DNAH17: variants seen among roughly 807,000 people sequenced by gnomAD.
The protein encoded by DNAH17 is dynein axonemal heavy chain 17, also known as axonemal beta dynein heavy chain 17.
A neutral mutation model predicts 485.6 loss-of-function variants in DNAH17; 376 were observed. The ratio of observed to expected loss-of-function variants is 0.77; its 90% CI spans 0.71 to 0.84. DNAH17 has a LOEUF of 0.84. Ranked by LOEUF, DNAH17 falls within the 40% of genes least tolerant of loss-of-function variation. The pLI, the probability that DNAH17 is intolerant of heterozygous loss-of-function variation, is 0.00. For missense variants in DNAH17, 6,370 were observed against 5,839.3 expected (o/e 1.09, Z -2.96); for synonymous variants, 3,031 against 2,405.9 (o/e 1.26, Z -7.60).
intron 58 of DNAH17, 96 bp from the exon 59 acceptor site, chr17:78,460,353 T>TGCATGTGTGA: frequency 9.9e-7 from 1 of 1,008,490 alleles, no homozygotes. Context: ...TGCATGTGTG[T>TGCATGTGTGA]GCATGTATGC....
intron 16 of DNAH17, among the ~76,000 whole-genome samples, chr17:78,548,202 C>CTTTTTTTTTTTTTTTTTTTTTT (rs34701814): frequency 2.5e-5 from 2 of 80,102 alleles, no homozygotes; most frequent in African/African-American, 1.1e-4. Context: ...ATGTCATGGC[C>CTTTTTTTTTTTTTTTTTTTTTT]TTTTTTTTTT....
intron 38 of DNAH17, 127 bp downstream of exon 38, chr17:78,495,747 GC>G: frequency 8.6e-7 from 1 of 1,162,026 alleles, no homozygotes; most frequent in Non-Finnish European, 1.2e-6. Context: ...CATCTTGGGA[GC>G]TTTTGATGAC....
Position 78,425,515 on chromosome 17 carries a change from G to T in DNAH17, c.12972C>A (p.Gly4324=), listed in dbSNP as rs755739045. The change falls in exon 80 of 81, where the codon GGC becomes GGA. Residue 4324 remains glycine, a synonymous_variant. Coordinates refer to ENST00000389840, the MANE Select transcript of DNAH17 (RefSeq NM_173628.4). ...TGAGGAACGACTGGGGGTTGAAGAA[G>T]CCGGCCAGCCACACGGTGGTGGGCA... The part of the protein sequence containing the change: ...FALPTTVWLA[G]FFNPQSFLTA... 6 of 1,613,852 alleles carry T rather than the reference G, an allele frequency of 3.7e-6. No homozygotes were observed. In the Admixed American group the frequency reaches 1.0e-4, roughly 27 times the overall value.
chr17:78,484,739 A>ACCCCCCCGCCGC, intron 48 of DNAH17, 129 bp downstream of exon 48: 1 of 347,798 alleles, frequency 2.9e-6, no homozygotes, highest in South Asian at 4.2e-5. Context: ...ACGTTGCAGC[A>ACCCCCCCGCCGC]CCCCCCCCAC....
At chr17:78,530,639 C>T in intron 20 of DNAH17, 127 bp from the exon 21 acceptor site, 1 of 1,163,768 alleles carries the variant, frequency 8.6e-7, no homozygotes, top group East Asian at 2.4e-5. Context: ...ACTCTGGGGC[C>T]AGGGTCAGCA....
intron 11 of DNAH17, among the ~76,000 whole-genome samples, chr17:78,565,035 G>A (rs145239508): frequency 5.6e-4 from 85 of 152,296 alleles, no homozygotes; most frequent in African/African-American, 2.0e-3. Flanking sequence ...ACCCTAACCT[G>A]CTTCCAGCTA....
chr17:78,521,817 T>A (rs1053911887), intron 25 of DNAH17, among the ~76,000 whole-genome samples: 1 of 152,028 alleles, frequency 6.6e-6, no homozygotes, highest in Non-Finnish European at 1.5e-5. Flanking sequence ...TGAAACCCCA[T>A]CTCTCCTAAA....
Position 78,434,004 on chromosome 17 carries a change from G to C in DNAH17, c.12225+25C>G, listed in dbSNP as rs537895346. The stretch of plus-strand genomic sequence containing the variant: ...GGGAAAGAGGGAGGGATATGTCCAA[G>C]TACAGGGCACACACAGCCCCTCACC... On this transcript the variant is annotated intron_variant, in intron 75 of 80. Coordinates refer to ENST00000389840, the MANE Select transcript of DNAH17 (RefSeq NM_173628.4). 8 of 1,582,186 alleles carry C rather than the reference G, an allele frequency of 5.1e-6. No individual in the cohort carries two copies. The South Asian group carries it at 6.8e-5, about 14-fold the overall frequency.
intron 43 of DNAH17, 144 bp from the exon 44 acceptor site, chr17:78,490,991 A>G: frequency 9.3e-7 from 1 of 1,073,526 alleles, no homozygotes; most frequent in Non-Finnish European, 1.3e-6. Flanking sequence ...CCACAGCCCT[A>G]GTCCCTTGGC....
At chr17:78,479,267 G>A (rs1241228574) in intron 50 of DNAH17, among the ~76,000 whole-genome samples, 151 bp from the exon 51 acceptor site, 3 of 152,148 alleles carry the variant, frequency 2.0e-5, no homozygotes, top group African/African-American at 7.2e-5. Context: ...GGAATTTGCT[G>A]TTCTCCTTAA....
chr17:78,427,024 T>A lies in DNAH17; in HGVS notation c.12673A>T (p.Thr4225Ser), dbSNP rs1324640705. The A allele has an allele frequency of 6.2e-7, 1 of 1,607,266 alleles. No individual in the cohort carries two copies. The highest frequency in any genetic ancestry group is 1.1e-5 in the South Asian group (1 of 89,558). ...TGAAAGGCGACTACCACGTAGGGGG[T>A]CTTTTCCGCTGCCTTTGCCATGATC... The part of the protein sequence containing the change: ...AEIMAKAAEK[T>S]PYVVVAFQEC... Residue 4225 changes from threonine (T) to serine (S), a missense_variant, in exon 78 of 81, where the codon ACC (threonine) becomes TCC (serine). Physicochemically the swap from Thr to Ser is moderately conservative, Grantham distance 58 (BLOSUM62 1). Transcript: ENST00000389840.
At chr17:78,478,011 T>TCACCACCACCACCAC (rs1568117373) in intron 51 of DNAH17, among the ~76,000 whole-genome samples, 9 of 84,162 alleles carry the variant, frequency 1.1e-4, no homozygotes, top group African/African-American at 4.4e-4. Flanking sequence ...ATCATCACCA[T>TCACCACCACCACCAC]CATCACCATC....
At chr17:78,454,274 T>TGATGGGGACAGGG (rs1424958965) in intron 64 of DNAH17, among the ~76,000 whole-genome samples, 196 bp downstream of exon 64, 22 of 152,144 alleles carry the variant, frequency 1.4e-4, no homozygotes, top group Non-Finnish European at 5.9e-5. Context: ...GAGCAGCAGG[T>TGATGGGGACAGGG]GATGGGGACA....
intron 11 of DNAH17, among the ~76,000 whole-genome samples, chr17:78,563,839 A>G (rs574594432): frequency 6.6e-6 from 1 of 152,262 alleles, no homozygotes; most frequent in South Asian, 2.1e-4. Context: ...CAGGGGGAAA[A>G]TGTTCTTAGG....
chr17:78,549,802 G>T (rs189449697), intron 16 of DNAH17, among the ~76,000 whole-genome samples: 1 of 152,080 alleles, frequency 6.6e-6, no homozygotes, highest in Non-Finnish European at 1.5e-5. Flanking sequence ...TCTCCTGCTC[G>T]CTCCCCACCG....
At chr17:78,496,651 A>T (rs1313416832) in intron 37 of DNAH17, 1 of 138,648 alleles carries the variant, frequency 7.2e-6, no homozygotes. Context: ...ATCATACACG[A>T]TCTTCCCAGA....
At position 78,571,656 on chromosome 17, in the gene DNAH17, G is replaced by T. The variant is rs561650732; in HGVS notation, c.666C>A (p.Pro222=). The T allele has an allele frequency of 1.3e-5, 21 of 1,613,908 alleles. 1 individual carries two copies. The South Asian group carries it at 1.9e-4, about 14-fold the overall frequency. ...SAQALLDGLH[P]LPQVEFEFWD... ...AGAACTCGAACTCCACTTGGGGCAG[G>T]GGGTGCAGCCCATCCAGCAGCGCCT... The change falls in exon 4 of 81, where the codon CCC becomes CCA. Residue 222 remains proline, a synonymous_variant. Coordinates refer to ENST00000389840, the MANE Select transcript of DNAH17 (RefSeq NM_173628.4).
chr17:78,518,165 A>G (rs771702003), intron 25 of DNAH17, among the ~76,000 whole-genome samples: 2 of 152,234 alleles, frequency 1.3e-5, no homozygotes, highest in Admixed American at 1.3e-4. Flanking sequence ...TAAATGCAAA[A>G]TGGTCTAAAC....
intron 77 of DNAH17, 94 bp from the exon 78 acceptor site, chr17:78,427,202 C>T (rs2146410739): frequency 7.4e-7 from 1 of 1,345,930 alleles, no homozygotes; most frequent in South Asian, 1.3e-5. Flanking sequence ...TTCCCAGCCC[C>T]AAGTCCTGGA....
Sources: allele counts gnomAD v4.1 joint callset (sites outside exome capture counted in the v4.1 genomes callset), GRCh38; gene constraint gnomAD v4.1.1; transcripts MANE v1.5; gene names NCBI Gene and HGNC (gene_info 2026-07-23, HGNC 2026-07-21).